Variants in HECW1 observed in about 807,000 individuals in gnomAD.
The protein encoded by HECW1 is E3 ubiquitin-protein ligase HECW1.
HECW1 carries 61 observed loss-of-function variants against 182.3 expected under a neutral mutation model. That is an observed-to-expected ratio of 0.33 (90% confidence interval 0.27 to 0.41). HECW1 has a LOEUF of 0.41. Ranked by LOEUF, HECW1 falls within the 10% of genes least tolerant of loss-of-function variation. The probability of loss-of-function intolerance (pLI) is 1.00; values close to 1 mark genes in which losing one functional copy is unlikely to be tolerated. For missense variants in HECW1, 1,739 were observed against 2,108.9 expected, an observed-to-expected ratio of 0.82 and a Z score of 3.44; for synonymous variants, 859 against 832.6, an observed-to-expected ratio of 1.03 and a Z score of -0.55.
At chr7:43,255,596 TA>T (rs72259446) in intron 3 of HECW1, among the ~76,000 whole-genome samples, 18,970 of 117,086 alleles carry the variant, frequency 0.16, 2,523 homozygotes, top group African/African-American at 0.38. Context: ...AAACTCTGTC[TA>T]AAAAAAAAAA....
At chr7:43,548,823 A>T (rs2081673529) in intron 26 of HECW1, among the ~76,000 whole-genome samples, 1 of 152,204 alleles carries the variant, frequency 6.6e-6, no homozygotes, top group African/African-American at 2.4e-5. Flanking sequence ...ATGCACCTAT[A>T]GTCCCAGTTA....
At chr7:43,122,576 A>C (rs150591963) in intron 2 of HECW1, among the ~76,000 whole-genome samples, 116 of 152,344 alleles carry the variant, frequency 7.6e-4, no homozygotes, top group African/African-American at 2.6e-3. Context: ...TGCAAGCACT[A>C]TCCATCCTGT....
rs1279336002 is a variant in HECW1, at chr7:43,488,320, GAAAGAGGAAGGAAGGA to G, written c.3235-3753_3235-3738del. 2.4e-3 allele frequency among the ~76,000 whole-genome samples: 272 copies of G among 113,574 alleles called. 6 individuals are homozygous for G. Among genetic ancestry groups the G allele is most frequent in the African/African-American group, 9.0e-3 (254 of 28,124 alleles). 74.5% of individuals were successfully genotyped at this position (113,574 alleles called of 152,430 possible). A position where few individuals can be genotyped will look rare whatever the true frequency, so the allele number is the denominator to read the frequency against. ...GTGAGACTCCATCTCAAAAAAGAAA[GAAAGAGGAAGGAAGGA>G]AGGAAGGAAGGAAGGAAGGAAGGAA... On this transcript the variant is annotated intron_variant, in intron 17 of 29. Coordinates refer to ENST00000395891, the MANE Select transcript of HECW1 (RefSeq NM_015052.5).
Position 43,445,188 on chromosome 7 carries a change from C to T in HECW1, c.2016C>T (p.Gly672=), listed in dbSNP as rs780590558. 1.2e-6 allele frequency: 2 copies of T among 1,612,386 alleles called. No homozygotes were observed. Among genetic ancestry groups the T allele is most frequent in the Non-Finnish European group, 8.5e-7 (1 of 1,179,418 alleles). ...PRQGGDHSCE[G]CDASCCSPSC... ...AAGGCGGGGACCACAGTTGCGAGGG[C>T]TGTGACGCGTCCTGCTGCAGCCCCT... Residue 672 remains glycine, a synonymous_variant, in exon 11 of 30, where the codon GGC becomes GGT. Transcript: ENST00000395891.
At chr7:43,285,271 C>G (rs1255007727) in intron 3 of HECW1, among the ~76,000 whole-genome samples, 1 of 152,108 alleles carries the variant, frequency 6.6e-6, no homozygotes, top group Non-Finnish European at 1.5e-5. Flanking sequence ...TCTGAAAAAC[C>G]GTGATACTCA....
chr7:43,229,960 CT>C (rs1797745630), intron 2 of HECW1, among the ~76,000 whole-genome samples: 1 of 152,176 alleles, frequency 6.6e-6, no homozygotes, highest in Non-Finnish European at 1.5e-5. Flanking sequence ...AGCCTAATAC[CT>C]CCTGTTACAG....
At chr7:43,120,765 T>G (rs1785517155) in intron 2 of HECW1, among the ~76,000 whole-genome samples, 1 of 152,184 alleles carries the variant, frequency 6.6e-6, no homozygotes, top group South Asian at 2.1e-4. Flanking sequence ...TGCCTCAGCC[T>G]CCTGAGTAGC....
intron 3 of HECW1, among the ~76,000 whole-genome samples, chr7:43,310,261 C>G (rs887890260): frequency 6.6e-6 from 1 of 152,152 alleles, no homozygotes; most frequent in Non-Finnish European, 1.5e-5. Context: ...CTGAACTGCC[C>G]AGAATAGCCA....
intron 6 of HECW1, among the ~76,000 whole-genome samples, chr7:43,378,911 C>G (rs537084401): frequency 5.3e-5 from 8 of 152,160 alleles, no homozygotes; most frequent in East Asian, 1.9e-4. Flanking sequence ...AATAAAAAAC[C>G]CTTTGCGCTT....
chr7:43,398,163 A>G (rs1011011727), intron 7 of HECW1, among the ~76,000 whole-genome samples: 12 of 152,288 alleles, frequency 7.9e-5, no homozygotes, highest in Admixed American at 2.0e-4. Flanking sequence ...AGGCTGAGGC[A>G]GGAGAATGGC....
At chr7:43,536,365 C>T (rs972874823) in intron 24 of HECW1, among the ~76,000 whole-genome samples, 5 of 152,208 alleles carry the variant, frequency 3.3e-5, no homozygotes, top group Admixed American at 6.5e-5. Context: ...AGAGACTCTT[C>T]CCCCTCCACT....
chr7:43,528,454 A>G lies in HECW1; in HGVS notation c.4020-12709A>G, dbSNP rs1585203033. ...CTGGGAAAATGTGATTGATACATTCAGTATTAACACAAGCTAACCAGAATG... is the reference window on the plus strand; with the variant it reads ...CTGGGAAAATGTGATTGATACATTCGGTATTAACACAAGCTAACCAGAATG... On this transcript the variant is annotated intron_variant, in intron 24 of 29. Coordinates refer to ENST00000395891, the MANE Select transcript of HECW1 (RefSeq NM_015052.5). Among the ~76,000 whole-genome samples the G allele has an allele frequency of 7.2e-5, 11 of 152,364 alleles. No homozygotes were observed. In the South Asian group the frequency reaches 2.3e-3, roughly 32 times the overall value.
rs78785508 is a variant in HECW1, at chr7:43,453,026, G to T, written c.2500+2097G>T. ...ACTAGCAAGGCCCAGATCATGCAGG[G>T]CCTTGTAAACCATTTAAGGGCTTTG... is the stretch of plus-strand genomic sequence containing the variant. On this transcript the variant is annotated intron_variant, in intron 12 of 29. Transcript: ENST00000395891. 1.8e-3 allele frequency among the ~76,000 whole-genome samples: 270 copies of T among 152,348 alleles called. 4 individuals carry two copies. In the East Asian group the frequency reaches 0.03, roughly 17 times the overall value.
intron 6 of HECW1, among the ~76,000 whole-genome samples, chr7:43,393,521 C>T (rs1303925509): frequency 6.6e-6 from 1 of 152,172 alleles, no homozygotes; most frequent in Non-Finnish European, 1.5e-5. Context: ...GGCTACCATT[C>T]CCTCCATTTT....
At chr7:43,291,714 C>T (rs1190266799) in intron 3 of HECW1, among the ~76,000 whole-genome samples, 2 of 152,152 alleles carry the variant, frequency 1.3e-5, no homozygotes, top group South Asian at 2.1e-4. Context: ...AGCTGGGACT[C>T]CCTCTAACAA....
At chr7:43,293,219 C>CAAA (rs34748611) in intron 3 of HECW1, among the ~76,000 whole-genome samples, 8,807 of 76,258 alleles carry the variant, frequency 0.12, 560 homozygotes, top group Middle Eastern at 0.16. Context: ...GACTATGTCT[C>CAAA]AAAAAAAAAA....
chr7:43,300,662 C>T lies in HECW1; in HGVS notation c.28-11101C>T, dbSNP rs139094707. Reference sequence around the variant, plus strand: ...ACACTGAATTTATATCAGATATGGCCGTGTTCATCCGGGGCACTTTGATCA... The same window carrying T: ...ACACTGAATTTATATCAGATATGGCTGTGTTCATCCGGGGCACTTTGATCA... On this transcript the variant is annotated intron_variant, in intron 3 of 29. Coordinates refer to ENST00000395891, the MANE Select transcript of HECW1 (RefSeq NM_015052.5). 6.1e-3 allele frequency among the ~76,000 whole-genome samples: 930 copies of T among 152,208 alleles called. 12 individuals are homozygous for T. Among genetic ancestry groups the T allele is most frequent in the Non-Finnish European group, 5.0e-3 (338 of 68,014 alleles).
At chr7:43,400,351 T>A (rs2075364426) in intron 7 of HECW1, among the ~76,000 whole-genome samples, 1 of 152,208 alleles carries the variant, frequency 6.6e-6, no homozygotes, top group African/African-American at 2.4e-5. Flanking sequence ...GCTCTGAGTA[T>A]AAGAGCAGAG....
intron 3 of HECW1, among the ~76,000 whole-genome samples, chr7:43,294,417 T>C (rs1805786519): frequency 2.0e-5 from 3 of 152,182 alleles, no homozygotes; most frequent in South Asian, 2.1e-4. Flanking sequence ...GATAGCATTT[T>C]CTTGGCAGAG....
Sources: allele counts gnomAD v4.1 joint callset (sites outside exome capture counted in the v4.1 genomes callset), GRCh38; gene constraint gnomAD v4.1.1; transcripts MANE v1.5; gene names NCBI Gene and HGNC (gene_info 2026-07-23, HGNC 2026-07-21).